PHLDB2: variants seen among roughly 807,000 people sequenced by gnomAD.
PHLDB2 encodes pleckstrin homology like domain family B member 2.
PHLDB2 carries 71 observed loss-of-function variants against 123.6 expected under a neutral mutation model. The ratio of observed to expected loss-of-function variants is 0.57; its 90% CI spans 0.47 to 0.70. The LOEUF is 0.70. Among genes scored for constraint, PHLDB2 ranks in the 30% least tolerant of loss-of-function variants. The probability of loss-of-function intolerance (pLI) is 0.00; values close to 1 mark genes in which losing one functional copy is unlikely to be tolerated. For synonymous variants in PHLDB2, 547 were observed against 541.6 expected (o/e 1.01, Z -0.14); for missense variants, 1,446 against 1,519.5 (o/e 0.95, Z 0.80).
At chr3:111,944,917 C>T (rs1418434857) in intron 8 of PHLDB2, among the ~76,000 whole-genome samples, 4 of 152,102 alleles carry the variant, frequency 2.6e-5, no homozygotes, top group Admixed American at 1.3e-4. Flanking sequence ...ATGATCTGCC[C>T]GCCTCAGCCT....
chr3:111,903,093 A>G (rs1282517881), intron 2 of PHLDB2, among the ~76,000 whole-genome samples: 1 of 152,204 alleles, frequency 6.6e-6, no homozygotes, highest in Non-Finnish European at 1.5e-5. Context: ...TCATGAGATA[A>G]GATTAAAAGA....
chr3:111,915,216 T>G (rs990607850), intron 3 of PHLDB2: 1 of 152,174 alleles, frequency 6.6e-6, no homozygotes, highest in Non-Finnish European at 1.5e-5. Context: ...CATTGACTCT[T>G]TAAGAGGAAG....
chr3:111,810,911 G>A (rs372705135), intron 1 of PHLDB2, among the ~76,000 whole-genome samples: 7 of 152,264 alleles, frequency 4.6e-5, no homozygotes, highest in African/African-American at 1.7e-4. Context: ...ATCTGTGTAG[G>A]GATGTACAGT....
chr3:111,931,063 G>A (rs527460822), intron 5 of PHLDB2, among the ~76,000 whole-genome samples: 6 of 152,254 alleles, frequency 3.9e-5, no homozygotes, highest in South Asian at 2.1e-4. Flanking sequence ...AATGTAGTAA[G>A]GATAATGTCA....
chr3:111,945,131 G>C (rs1260721036), intron 8 of PHLDB2, 137 bp from the exon 9 acceptor site: 3 of 649,064 alleles, frequency 4.6e-6, no homozygotes, highest in Non-Finnish European at 5.4e-6. Flanking sequence ...TTGAAATTTT[G>C]ACTGAGTATG....
intron 14 of PHLDB2, 98 bp from the exon 15 acceptor site, chr3:111,967,580 A>G (rs1222143318): frequency 4.7e-6 from 6 of 1,288,982 alleles, no homozygotes; most frequent in Non-Finnish European, 6.2e-6. Context: ...CTACAAACCA[A>G]GATTTGTCTA....
chr3:111,887,980 G>T (rs1385469265), intron 2 of PHLDB2, among the ~76,000 whole-genome samples: 1 of 152,128 alleles, frequency 6.6e-6, no homozygotes, highest in African/African-American at 2.4e-5. Context: ...CTTGGTGAAT[G>T]TAAGAGTTAA....
chr3:111,910,273 G>A (rs1419706492), intron 2 of PHLDB2, among the ~76,000 whole-genome samples: 1 of 152,052 alleles, frequency 6.6e-6, no homozygotes, highest in Non-Finnish European at 1.5e-5. Flanking sequence ...AAATGGGAAT[G>A]GCGAAAAAAA....
chr3:111,917,432 T>C (rs1342208911), intron 3 of PHLDB2: 4 of 152,226 alleles, frequency 2.6e-5, no homozygotes, highest in Admixed American at 2.0e-4. Context: ...AGAAACCTAA[T>C]ATGTAATCTT....
chr3:111,948,073 A>G (rs1408113528), intron 9 of PHLDB2, among the ~76,000 whole-genome samples: 2 of 152,176 alleles, frequency 1.3e-5, no homozygotes, highest in Non-Finnish European at 2.9e-5. Flanking sequence ...CAGATTCGGG[A>G]GTTCTGCTTC....
intron 1 of PHLDB2, among the ~76,000 whole-genome samples, chr3:111,868,088 C>T (rs961651511): frequency 6.6e-6 from 1 of 152,088 alleles, no homozygotes; most frequent in African/African-American, 2.4e-5. Flanking sequence ...CAGCCTTGCC[C>T]TCCTGGGCTC....
At chr3:111,754,367 TC>T (rs1414914397) in intron 1 of PHLDB2, among the ~76,000 whole-genome samples, 1 of 142,982 alleles carries the variant, frequency 7.0e-6, no homozygotes, top group Non-Finnish European at 1.5e-5. Context: ...GTCCTTCACA[TC>T]CCTTGTAAGT....
intron 1 of PHLDB2, among the ~76,000 whole-genome samples, chr3:111,828,105 C>T (rs977404439): frequency 2.0e-5 from 3 of 152,234 alleles, no homozygotes; most frequent in Non-Finnish European, 2.9e-5. Context: ...AGCTCAGCCA[C>T]TGTAGCTCCT....
chr3:111,808,201 T>C (rs751602908), intron 1 of PHLDB2, among the ~76,000 whole-genome samples: 3 of 152,166 alleles, frequency 2.0e-5, no homozygotes, highest in Admixed American at 6.5e-5. Flanking sequence ...TTAGGGAATG[T>C]GTTCAAAATT....
intron 1 of PHLDB2, among the ~76,000 whole-genome samples, chr3:111,821,100 C>T (rs1394130891): frequency 1.3e-5 from 2 of 152,062 alleles, no homozygotes; most frequent in Non-Finnish European, 2.9e-5. Context: ...TGTCAGGGTC[C>T]CCAGTGATTC....
intron 1 of PHLDB2, among the ~76,000 whole-genome samples, chr3:111,783,392 T>C (rs1192266049): frequency 6.6e-6 from 1 of 152,140 alleles, no homozygotes; most frequent in East Asian, 1.9e-4. Context: ...GCACGTTCTT[T>C]AAAATAAAAG....
chr3:111,806,128 ATCT>A (rs1326934174), intron 1 of PHLDB2, among the ~76,000 whole-genome samples: 1 of 152,208 alleles, frequency 6.6e-6, no homozygotes, highest in Non-Finnish European at 1.5e-5. Flanking sequence ...TATAGCAGTC[ATCT>A]TCTAGTGCAA....
At chr3:111,875,493 G>C (rs2065567143) in intron 1 of PHLDB2, among the ~76,000 whole-genome samples, 1 of 151,604 alleles carries the variant, frequency 6.6e-6, no homozygotes, top group Non-Finnish European at 1.5e-5. Flanking sequence ...TATCTGGCTT[G>C]AAAATTGGGC....
chr3:111,813,088 G>A, intron 1 of PHLDB2, among the ~76,000 whole-genome samples: 1 of 152,176 alleles, frequency 6.6e-6, no homozygotes, highest in East Asian at 1.9e-4. Context: ...TTTGTAGCAT[G>A]TTTAACTTAA....
Sources: gnomAD v4.1 joint callset for allele counts (sites outside exome capture counted in the v4.1 genomes callset) on GRCh38, gnomAD v4.1.1 for gene constraint, MANE v1.5 for transcripts, NCBI Gene and HGNC (gene_info 2026-07-23, HGNC 2026-07-21) for gene names.